PLAT: variants seen among roughly 807,000 people sequenced by gnomAD.
PLAT encodes the protein plasminogen activator, tissue type.
Under a neutral mutation model 74.9 loss-of-function variants are expected in PLAT, and 48 were observed. The observed-to-expected ratio is 0.64, with a 90% confidence interval of 0.51 to 0.82. The LOEUF is 0.82. Ranked by LOEUF, PLAT falls within the 40% of genes least tolerant of loss-of-function variation. PLAT has a pLI of 0.00. For synonymous variants in PLAT, 307 were observed against 294.4 expected (o/e 1.04, Z -0.44); for missense variants, 673 against 736.2 (o/e 0.91, Z 0.99).
intron 1 of PLAT, among the ~76,000 whole-genome samples, chr8:42,201,367 G>T (rs529619955): frequency 1.8e-4 from 28 of 152,332 alleles, no homozygotes; most frequent in African/African-American, 6.3e-4. Context: ...ACACCTGGGT[G>T]CACGGCAGGA....
At chr8:42,177,837 G>A (rs1027210949) in intron 13 of PLAT, among the ~76,000 whole-genome samples, 3 of 152,186 alleles carry the variant, frequency 2.0e-5, no homozygotes, top group Admixed American at 6.5e-5. Context: ...AGGGGAAACC[G>A]CCGATATGAC....
chr8:42,197,576 A>T (rs145024358), intron 1 of PLAT, among the ~76,000 whole-genome samples: 10 of 152,150 alleles, frequency 6.6e-5, no homozygotes, highest in African/African-American at 1.7e-4. Flanking sequence ...TGGTGGCCAC[A>T]TGGGGAAATG....
In PLAT at chr8:42,194,078, G is replaced by T. The variant is rs191974957; in HGVS notation, c.-26-867C>A. 1.9e-3 allele frequency among the ~76,000 whole-genome samples: 102 copies of T among 53,434 alleles called. 1 individual carries two copies. In the East Asian group the frequency reaches 0.046, roughly 24 times the overall value. The allele number at this position is 53,434 out of a possible 152,430, so 35.1% of individuals were successfully genotyped here. ...TTTTTTTTTTTTTTTTTTGAGACTA[G>T]GTCTCGCTCTGTCATCCAGACTGGA... On this transcript the variant is annotated intron_variant, in intron 1 of 13. Coordinates refer to ENST00000220809, the MANE Select transcript of PLAT (RefSeq NM_000930.5).
intron 7 of PLAT, chr8:42,184,701 T>TC (rs1805383439): frequency 6.4e-6 from 1 of 155,762 alleles, no homozygotes; most frequent in African/African-American, 2.4e-5. Context: ...GAAGTTTTTT[T>TC]TTTTTTTTTT....
intron 1 of PLAT, among the ~76,000 whole-genome samples, chr8:42,206,109 G>A (rs1241180092): frequency 1.3e-5 from 2 of 152,198 alleles, no homozygotes; most frequent in East Asian, 1.9e-4. Flanking sequence ...AGAATCCGAC[G>A]CGAGTCATTG....
intron 7 of PLAT, among the ~76,000 whole-genome samples, chr8:42,183,138 G>T (rs1460487016): frequency 6.6e-6 from 1 of 152,156 alleles, no homozygotes; most frequent in Admixed American, 6.5e-5. Flanking sequence ...CGAGTAGGTG[G>T]GGTTACAGGC....
intron 1 of PLAT, among the ~76,000 whole-genome samples, chr8:42,203,966 A>G (rs1806229932): frequency 8.4e-6 from 1 of 118,894 alleles, no homozygotes; most frequent in Admixed American, 8.0e-5. Context: ...CCTTGTCTCT[A>G]AATTATATAT....
At chr8:42,192,300 T>C (rs911574587) in intron 2 of PLAT, among the ~76,000 whole-genome samples, 6 of 152,282 alleles carry the variant, frequency 3.9e-5, no homozygotes, top group African/African-American at 1.4e-4. Context: ...CACTGTGCCC[T>C]GTCCTGCATT....
intron 7 of PLAT, 96 bp downstream of exon 7, chr8:42,184,985 C>G (rs1805393678): frequency 2.6e-6 from 2 of 762,526 alleles, no homozygotes; most frequent in East Asian, 5.5e-5. Context: ...TGGCCTCCCC[C>G]TTTCTCCCCT....
At chr8:42,190,325 T>C (rs1376611607) in intron 3 of PLAT, among the ~76,000 whole-genome samples, 1 of 152,206 alleles carries the variant, frequency 6.6e-6, no homozygotes, top group Non-Finnish European at 1.5e-5. Context: ...ACAGAAATGA[T>C]GCATTTTTGG....
chr8:42,195,071 T>C (rs1805853440), intron 1 of PLAT, among the ~76,000 whole-genome samples: 1 of 152,196 alleles, frequency 6.6e-6, no homozygotes, highest in African/African-American at 2.4e-5. Flanking sequence ...TTTCTTTCCC[T>C]GACTCATTTC....
chr8:42,181,011 T>C (rs569550356), intron 9 of PLAT, among the ~76,000 whole-genome samples: 164 of 152,352 alleles, frequency 1.1e-3, no homozygotes, highest in Non-Finnish European at 1.5e-3. Flanking sequence ...GCAGCTTCCT[T>C]CTGTGGAATG....
chr8:42,202,963 C>T (rs750427917), intron 1 of PLAT, among the ~76,000 whole-genome samples: 2 of 152,146 alleles, frequency 1.3e-5, no homozygotes, highest in Non-Finnish European at 2.9e-5. Context: ...AGCCCCCTAC[C>T]CATCAGCACA....
chr8:42,203,791 T>A (rs1212924105), intron 1 of PLAT, among the ~76,000 whole-genome samples: 1 of 151,848 alleles, frequency 6.6e-6, no homozygotes, highest in Non-Finnish European at 1.5e-5. Flanking sequence ...AAAGCAAAAC[T>A]CTGCTTCTAC....
rs8178881 is a variant in PLAT at position 42,194,413 on chromosome 8, T to G, written c.-26-1202A>C. Among the ~76,000 whole-genome samples, 828 of 152,276 alleles carry G rather than the reference T, an allele frequency of 5.4e-3. 4 individuals carry two copies. Among genetic ancestry groups the G allele is most frequent in the Middle Eastern group, 0.014 (4 of 294 alleles). On this transcript the variant is annotated intron_variant, in intron 1 of 13. Coordinates refer to ENST00000220809, the MANE Select transcript of PLAT (RefSeq NM_000930.5). ...CGCGCCCAGCATTTTTCCTTCCTTT[T>G]TAAAGCTGAATAATACTCCACTGTG... is the stretch of plus-strand genomic sequence containing the variant.
At chr8:42,191,216 G>A (rs1477182749) in intron 3 of PLAT, among the ~76,000 whole-genome samples, 156 bp downstream of exon 3, 1 of 152,168 alleles carries the variant, frequency 6.6e-6, no homozygotes, top group Non-Finnish European at 1.5e-5. Context: ...GAATGGTGCC[G>A]ACACAGGCAT....
chr8:42,185,195 G>A (rs149859877), intron 6 of PLAT, 23 bp from the exon 7 acceptor site: 344 of 1,519,116 alleles, frequency 2.3e-4, no homozygotes, highest in Non-Finnish European at 3.0e-4. Context: ...CCAAGGGAAG[G>A]GCCAGGGTAG....
At chr8:42,178,844 AG>A in intron 13 of PLAT, 52 bp downstream of exon 13, 2 of 1,547,436 alleles carry the variant, frequency 1.3e-6, no homozygotes, top group Non-Finnish European at 8.8e-7. Flanking sequence ...CTGTTGTCCC[AG>A]GGGCATTCTC....
At chr8:42,192,002 C>CTTTTTT (rs1177070988) in intron 2 of PLAT, among the ~76,000 whole-genome samples, 4 of 127,150 alleles carry the variant, frequency 3.1e-5, no homozygotes, top group Admixed American at 8.1e-5. Flanking sequence ...TTGCCTTTTT[C>CTTTTTT]TTTTTTTTTT....
Sources: allele counts gnomAD v4.1 joint callset (sites outside exome capture counted in the v4.1 genomes callset), GRCh38; gene constraint gnomAD v4.1.1; transcripts MANE v1.5; gene names NCBI Gene and HGNC (gene_info 2026-07-23, HGNC 2026-07-21).